The following SLC22A14 variants were observed in gnomAD, a reference collection of about 807,000 sequenced individuals.
The protein encoded by SLC22A14 is organic cation transporter-like 4.
In SLC22A14, 50 loss-of-function variants were observed where a neutral mutation model predicts 53.9. The ratio of observed to expected loss-of-function variants is 0.93; its 90% CI spans 0.74 to 1.17. SLC22A14 has a LOEUF of 1.17. Among genes scored for constraint, SLC22A14 ranks in the 50% most tolerant of loss-of-function variants. The pLI, the probability that SLC22A14 is intolerant of heterozygous loss-of-function variation, is 0.00. For synonymous variants in SLC22A14, 312 were observed against 303.0 expected, an observed-to-expected ratio of 1.03 and a Z score of -0.31; for missense variants, 671 against 734.7, an observed-to-expected ratio of 0.91 and a Z score of 1.00.
At chr3:38,290,436 G>A (rs774374885) in intron 1 of SLC22A14, among the ~76,000 whole-genome samples, 2 of 152,214 alleles carry the variant, frequency 1.3e-5, no homozygotes, top group Non-Finnish European at 1.5e-5. Flanking sequence ...GATTCTGGAA[G>A]AGACAAACTT....
At chr3:38,317,279 C>G (rs1243951212) in intron 10 of SLC22A14, among the ~76,000 whole-genome samples, 1 of 152,062 alleles carries the variant, frequency 6.6e-6, no homozygotes, top group African/African-American at 2.4e-5. Context: ...CCTCCCTGCT[C>G]TCACTGGAAC....
intron 1 of SLC22A14, among the ~76,000 whole-genome samples, chr3:38,300,522 A>G (rs1704136728): frequency 6.6e-6 from 1 of 152,182 alleles, no homozygotes; most frequent in Non-Finnish European, 1.5e-5. Context: ...GAAAAGGCAC[A>G]TTGGGTGGAG....
At chr3:38,304,182 C>A (rs1417129102) in intron 1 of SLC22A14, among the ~76,000 whole-genome samples, 1 of 146,080 alleles carries the variant, frequency 6.8e-6, no homozygotes, top group East Asian at 2.0e-4. Context: ...CAGAGCGAGA[C>A]TCTGTCTCAA....
rs146166576 is a variant in SLC22A14, at chr3:38,313,110, G to T, written c.1056G>T (p.Leu352=). 1 of 1,610,280 alleles carries T rather than the reference G, an allele frequency of 6.2e-7. No individual in the cohort carries two copies. The highest frequency in any genetic ancestry group is 1.1e-5 in the South Asian group (1 of 89,944). The part of the protein sequence containing the change: ...SVNKKTIPSN[L]LDELQLPRKK... Reference sequence around the variant, plus strand: ...ACAAGAAGACCATTCCTTCAAATCTGCTGGACGAGGTAAAGGGCTTCTGGC... The same window carrying T: ...ACAAGAAGACCATTCCTTCAAATCTTCTGGACGAGGTAAAGGGCTTCTGGC... The change falls in exon 6 of 11, where the codon CTG becomes CTT. Residue 352 remains leucine (L), a synonymous_variant. Coordinates refer to ENST00000448498, the MANE Select transcript of SLC22A14 (RefSeq NM_001320033.2).
chr3:38,307,426 G>GAGTGTGTC lies in SLC22A14; in HGVS notation c.620+72_620+79dup. ...TCCTCCTCATGGGCATTCAGGGTTG[G>GAGTGTGTC]AGTGTGTCAGGCTGAGGGAGGTGAG... On this transcript the variant is annotated intron_variant, in intron 3 of 10. Transcript: ENST00000448498. The surrounding 1 kb of genome is among the most constrained non-coding windows in gnomAD (Gnocchi z 4.4). 1 of 1,529,328 alleles carries GAGTGTGTC rather than the reference G, an allele frequency of 6.5e-7. No individual in the cohort carries two copies. The highest frequency in any genetic ancestry group is 9.1e-7 in the Non-Finnish European group (1 of 1,103,196). 94.7% of individuals were successfully genotyped at this position (1,529,328 alleles called of 1,614,324 possible). A position where few individuals can be genotyped will look rare whatever the true frequency, so the allele number is the denominator to read the frequency against.
At chr3:38,283,752 C>T (rs1365699814) in intron 1 of SLC22A14, among the ~76,000 whole-genome samples, 2 of 152,054 alleles carry the variant, frequency 1.3e-5, no homozygotes, top group East Asian at 3.9e-4. Context: ...ATCACTTGAA[C>T]CCAGGAAGCA....
chr3:38,304,414 G>C (rs772417806), intron 1 of SLC22A14, among the ~76,000 whole-genome samples: 4 of 151,920 alleles, frequency 2.6e-5, no homozygotes, highest in Non-Finnish European at 5.9e-5. Context: ...TTGAGACAGG[G>C]TCTTGCTCTG....
intron 4 of SLC22A14, chr3:38,308,034 C>T (rs1704358071): frequency 2.5e-6 from 1 of 407,954 alleles, no homozygotes; most frequent in Non-Finnish European, 4.6e-6. Context: ...CTCCCTCATA[C>T]ACCACACCTT....
chr3:38,312,789 A>T (rs1704504139), intron 5 of SLC22A14, among the ~76,000 whole-genome samples: 1 of 152,206 alleles, frequency 6.6e-6, no homozygotes, highest in Admixed American at 6.5e-5. Flanking sequence ...ACCTAGCAGC[A>T]GTGGAGGCCA....
At chr3:38,314,980 A>ACAGG (rs1349508235) in intron 8 of SLC22A14, among the ~76,000 whole-genome samples, 3 of 152,234 alleles carry the variant, frequency 2.0e-5, no homozygotes, top group South Asian at 2.1e-4. Flanking sequence ...GCAGAGGCTG[A>ACAGG]CAGGCAGGCA....
At chr3:38,298,044 TACTTATTTATTC>T (rs1462380444) in intron 1 of SLC22A14, among the ~76,000 whole-genome samples, 1 of 152,216 alleles carries the variant, frequency 6.6e-6, no homozygotes, top group Non-Finnish European at 1.5e-5. Flanking sequence ...CCTTTGATAC[TACTTATTTATTC>T]ACTTATTTAT....
intron 1 of SLC22A14, among the ~76,000 whole-genome samples, chr3:38,294,008 A>G (rs1321898315): frequency 6.6e-6 from 1 of 152,236 alleles, no homozygotes; most frequent in Non-Finnish European, 1.5e-5. Context: ...CTGAGAATTT[A>G]CATAGGTCTA....
chr3:38,281,259 C>T (rs1409123116), upstream of SLC22A14, among the ~76,000 whole-genome samples: 7 of 152,228 alleles, frequency 4.6e-5, no homozygotes, highest in East Asian at 1.3e-3. Flanking sequence ...AAGTAGGTTT[C>T]CCTGTGATCA....
intron 1 of SLC22A14, among the ~76,000 whole-genome samples, chr3:38,299,946 G>T (rs1438793682): frequency 6.6e-6 from 1 of 152,162 alleles, no homozygotes; most frequent in Non-Finnish European, 1.5e-5. Flanking sequence ...CCAATATTTT[G>T]TGATACAATC....
chr3:38,314,266 G>A (rs1391899715), intron 8 of SLC22A14, among the ~76,000 whole-genome samples: 2 of 152,178 alleles, frequency 1.3e-5, no homozygotes, highest in Non-Finnish European at 2.9e-5. Context: ...GTGAATAAAT[G>A]ATGGCAAAAA....
intron 1 of SLC22A14, among the ~76,000 whole-genome samples, chr3:38,295,988 C>T (rs901761208): frequency 6.6e-5 from 10 of 152,184 alleles, no homozygotes; most frequent in African/African-American, 2.2e-4. Context: ...AAGGATGCAG[C>T]CTAGAGCTTC....
intron 10 of SLC22A14, among the ~76,000 whole-genome samples, 182 bp downstream of exon 10, chr3:38,316,706 C>G (rs541965866): frequency 6.6e-6 from 1 of 152,350 alleles, no homozygotes; most frequent in African/African-American, 2.4e-5. Flanking sequence ...TGCTCCCACC[C>G]AGCCTCTGCC....
chr3:38,303,668 A>G (rs963118332), intron 1 of SLC22A14: 7 of 152,092 alleles, frequency 4.6e-5, no homozygotes, highest in African/African-American at 1.7e-4. Flanking sequence ...ATTTAATACA[A>G]TCAATATTTG....
At position 38,313,725 on chromosome 3, in the gene SLC22A14, A is replaced by G. The variant is rs1559554440; in HGVS notation, c.1164-2A>G. ...GCGCACTTGCCTCCTGGCTTCATCCAGGTTTACCGTCAGTTACACCTATTT... is the reference window on the plus strand; with the variant it reads ...GCGCACTTGCCTCCTGGCTTCATCCGGGTTTACCGTCAGTTACACCTATTT... On this transcript the variant is annotated splice_acceptor_variant, in intron 7 of 10. Transcript: ENST00000448498. LOFTEE classifies it high-confidence loss of function. 6.4e-7 allele frequency: 1 copy of G among 1,570,710 alleles called. No homozygotes were observed. The highest frequency in any genetic ancestry group is 2.3e-5 in the East Asian group (1 of 43,008).
Sources: allele counts gnomAD v4.1 joint callset (sites outside exome capture counted in the v4.1 genomes callset), GRCh38; gene constraint gnomAD v4.1.1; non-coding constraint Gnocchi (gnomAD v3.1); transcripts MANE v1.5; gene names NCBI Gene and HGNC (gene_info 2026-07-23, HGNC 2026-07-21).